The following CEP85L variants were observed in gnomAD, a reference collection of about 807,000 sequenced individuals.
CEP85L encodes the protein centrosomal protein 85L.
Under a neutral mutation model 100.3 loss-of-function variants are expected in CEP85L, and 60 were observed. That is an observed-to-expected ratio of 0.60 (90% CI 0.49 to 0.74). The LOEUF is 0.74. CEP85L is among the 30% of genes least tolerant of loss of function. The pLI, the probability that CEP85L is intolerant of heterozygous loss-of-function variation, is 0.00. For synonymous variants in CEP85L, 319 were observed against 322.7 expected (o/e 0.99, Z 0.12); for missense variants, 973 against 936.2 (o/e 1.04, Z -0.51).
chr6:118,636,594 G>A (rs577503369), intron 1 of CEP85L, among the ~76,000 whole-genome samples: 9 of 143,628 alleles, frequency 6.3e-5, no homozygotes, highest in African/African-American at 2.1e-4. Context: ...CAGATTGGTC[G>A]ACTGGATAAG....
intron 5 of CEP85L, among the ~76,000 whole-genome samples, chr6:118,495,192 G>A (rs778374555): frequency 1.3e-4 from 20 of 152,010 alleles, no homozygotes; most frequent in Admixed American, 1.3e-4. Context: ...GGACTTTCGG[G>A]TTAATGCTGG....
rs111808054 is a variant in CEP85L, at chr6:118,590,937, G to A, written c.233-24621C>T. ...GGACCCTGGTGTTCCTCCGGTCATC[G>A]GAGCCATATCACCTACATTCACGAT... is the stretch of plus-strand genomic sequence containing the variant. On this transcript the variant is annotated intron_variant, in intron 2 of 12. Transcript: ENST00000368491. 1.5e-4 allele frequency among the ~76,000 whole-genome samples: 23 copies of A among 152,142 alleles called. 1 individual carries two copies. The highest frequency in any genetic ancestry group is 5.1e-4 in the African/African-American group (21 of 41,504).
At chr6:118,491,570 C>T (rs1774573534) in intron 6 of CEP85L, 116 bp downstream of exon 6, 1 of 1,447,926 alleles carries the variant, frequency 6.9e-7, no homozygotes, top group Non-Finnish European at 9.1e-7. Flanking sequence ...AATTAATCAC[C>T]TCCACATAAA....
At chr6:118,549,203 G>A (rs1778389513) in intron 3 of CEP85L, among the ~76,000 whole-genome samples, 1 of 151,800 alleles carries the variant, frequency 6.6e-6, no homozygotes, top group Non-Finnish European at 1.5e-5. Context: ...TTGATTAAAT[G>A]GATTTCTGCC....
intron 2 of CEP85L, among the ~76,000 whole-genome samples, chr6:118,591,778 G>A (rs1277741383): frequency 1.3e-5 from 2 of 152,034 alleles, no homozygotes; most frequent in African/African-American, 4.8e-5. Context: ...CTTGCTTTGT[G>A]TATTTTGTCC....
In CEP85L at chr6:118,555,102, C is replaced by A. The variant is rs146842979; in HGVS notation, c.1020+10427G>T. 1.3e-5 allele frequency among the ~76,000 whole-genome samples: 2 copies of A among 152,236 alleles called. 1 individual carries two copies. Among genetic ancestry groups the A allele is most frequent in the East Asian group, 3.9e-4 (2 of 5,188 alleles). On this transcript the variant is annotated intron_variant, in intron 3 of 12. Transcript: ENST00000368491. ...GAATTACCAAGTCTAATTATTATTC[C>A]TTTCTTAACTGTATTCTGCTACACA...
At position 118,523,201 on chromosome 6, in the gene CEP85L, G is replaced by A. The variant is rs191547065; in HGVS notation, c.1139+601C>T. On this transcript the variant is annotated intron_variant, in intron 4 of 12. Transcript: ENST00000368491. ...CATACATAAATGATGTAGAATATAC[G>A]TTAAAGAAAATATAATGATGTAACA... is the stretch of plus-strand genomic sequence containing the variant. 2.4e-3 allele frequency among the ~76,000 whole-genome samples: 367 copies of A among 152,226 alleles called. 4 individuals are homozygous for A. The highest frequency in any genetic ancestry group is 8.7e-3 in the African/African-American group (360 of 41,540).
chr6:118,705,730 C>G (rs1005513455), intron 1 of CEP85L, among the ~76,000 whole-genome samples: 1 of 152,346 alleles, frequency 6.6e-6, no homozygotes, highest in African/African-American at 2.4e-5. Context: ...GAGCCCTTCT[C>G]ACAATATGCT....
intron 3 of CEP85L, among the ~76,000 whole-genome samples, chr6:118,524,336 C>T (rs1240811966): frequency 1.3e-5 from 2 of 151,992 alleles, no homozygotes; most frequent in South Asian, 2.1e-4. Context: ...CCCAGCTACT[C>T]GGGAGGCTGA....
rs1265417144 is a variant in CEP85L, at chr6:118,491,777, G to C, written c.1346C>G (p.Ala449Gly). Residue 449 changes from alanine (A) to glycine (G), a missense_variant, in exon 6 of 13, where the codon GCA becomes GGA. Ala to Gly is a moderately conservative substitution (Grantham distance 60, BLOSUM62 0). This residue lies in a region of CEP85L where 890 missense variants were observed against 844.5 expected (regional missense o/e 1.05). Transcript: ENST00000368491. ...CTGTAAAACTTCTTTCTCAGTAGAT[G>C]CAAGCTTTTGCTCAAATTCCCCTTG... is the stretch of plus-strand genomic sequence containing the variant. ...SQQGEFEQKL[A>G]STEKEVLQLN... The C allele has an allele frequency of 6.8e-6, 11 of 1,613,014 alleles. No individual in the cohort carries two copies. Among genetic ancestry groups the C allele is most frequent in the Non-Finnish European group, 9.3e-6 (11 of 1,179,396 alleles).
At chr6:118,607,968 G>A (rs1230022889) in intron 2 of CEP85L, among the ~76,000 whole-genome samples, 3 of 152,076 alleles carry the variant, frequency 2.0e-5, no homozygotes, top group Admixed American at 6.5e-5. Context: ...CCTGTATCTC[G>A]TGCAAGAAAG....
At position 118,470,452 on chromosome 6, in the gene CEP85L, C is replaced by G. The variant is rs955016904; in HGVS notation, c.2022+85G>C. ...GGCATATCAAAATCATGTCTTTAATCTGAAAATGCTCTATTAATATCTATA... is the reference window on the plus strand; with the variant it reads ...GGCATATCAAAATCATGTCTTTAATGTGAAAATGCTCTATTAATATCTATA... On this transcript the variant is annotated intron_variant, in intron 11 of 12. Coordinates refer to ENST00000368491, the MANE Select transcript of CEP85L (RefSeq NM_001042475.3). 2.8e-5 allele frequency: 18 copies of G among 645,006 alleles called. No individual in the cohort carries two copies. In the African/African-American group the frequency reaches 3.2e-4, roughly 11 times the overall value. 40.0% of individuals were successfully genotyped at this position (645,006 alleles called of 1,614,324 possible).
chr6:118,539,435 C>T (rs551954658), intron 3 of CEP85L, among the ~76,000 whole-genome samples: 4 of 152,102 alleles, frequency 2.6e-5, no homozygotes, highest in Admixed American at 6.6e-5. Flanking sequence ...GTACACTCTA[C>T]GATGTTTACA....
intron 1 of CEP85L, among the ~76,000 whole-genome samples, chr6:118,674,149 A>G (rs1391285760): frequency 1.3e-5 from 2 of 152,244 alleles, no homozygotes; most frequent in African/African-American, 4.8e-5. Context: ...AACAATAGAA[A>G]CAAAGAGATT....
rs556312823 is a variant in CEP85L, at chr6:118,485,097, T to C, written c.1438-1239A>G. Among the ~76,000 whole-genome samples the C allele has an allele frequency of 2.1e-3, 317 of 152,358 alleles. 3 individuals carry two copies. The highest frequency in any genetic ancestry group is 3.5e-3 in the Non-Finnish European group (241 of 68,024). On this transcript the variant is annotated intron_variant, in intron 6 of 12. Transcript: ENST00000368491. ...ATATAGGCTGAAAGTCAGATTTTCA[T>C]GTACTTTTTACCCCCTACTACATGA...
At chr6:118,572,003 A>T (rs12153824) in intron 2 of CEP85L, among the ~76,000 whole-genome samples, 103,110 of 151,566 alleles carry the variant, frequency 0.68, 35,763 homozygotes, top group Middle Eastern at 0.74. Flanking sequence ...ATTACAGGCA[A>T]GCACCACCAC....
At chr6:118,516,265 C>G (rs1348356728) in intron 4 of CEP85L, among the ~76,000 whole-genome samples, 1 of 152,152 alleles carries the variant, frequency 6.6e-6, no homozygotes, top group East Asian at 1.9e-4. Flanking sequence ...TGGGTATATA[C>G]CCAGTAATGG....
chr6:118,559,158 T>C (rs1583048226), intron 3 of CEP85L: 2 of 1,079,034 alleles, frequency 1.9e-6, no homozygotes, highest in East Asian at 4.7e-5. Flanking sequence ...AGGAAAACAA[T>C]ATTGTATAAC....
chr6:118,627,735 G>A (rs1042702467), intron 2 of CEP85L, among the ~76,000 whole-genome samples: 2 of 152,164 alleles, frequency 1.3e-5, no homozygotes, highest in Admixed American at 6.5e-5. Context: ...CCAGAAAAGG[G>A]AAGATAAAAG....
Sources: gnomAD v4.1 joint callset for allele counts (sites outside exome capture counted in the v4.1 genomes callset) on GRCh38, gnomAD v4.1.1 for gene constraint, gnomAD v4.1.1 regional missense constraint, MANE v1.5 for transcripts, NCBI Gene and HGNC (gene_info 2026-07-23, HGNC 2026-07-21) for gene names.